Variants in PRELID2 observed in about 807,000 individuals in gnomAD.
PRELID2 encodes PRELI domain-containing protein 2.
A neutral mutation model predicts 28.4 loss-of-function variants in PRELID2; 25 were observed. The observed-to-expected ratio is 0.88, with a 90% CI of 0.64 to 1.23. The LOEUF (loss-of-function observed/expected upper bound fraction) is 1.23, where lower values mean the gene tolerates loss of function less well. Ranked by LOEUF, PRELID2 falls within the 50% of genes most tolerant of loss-of-function variation. PRELID2 has a pLI of 0.00. For missense variants in PRELID2, 201 were observed against 214.4 expected (o/e 0.94, Z 0.39); for synonymous variants, 76 against 71.6 (o/e 1.06, Z -0.31).
intron 1 of PRELID2, among the ~76,000 whole-genome samples, chr5:145,582,194 C>T (rs188172888): frequency 1.9e-4 from 29 of 152,028 alleles, no homozygotes; most frequent in Non-Finnish European, 2.9e-4. Flanking sequence ...TGTATTAGTC[C>T]GTTTTCACAC....
intron 1 of PRELID2, among the ~76,000 whole-genome samples, chr5:145,743,473 A>T (rs982325809): frequency 9.9e-5 from 15 of 151,748 alleles, no homozygotes; most frequent in Non-Finnish European, 1.6e-4. Context: ...AGGCATGTGA[A>T]TCCTTCACTG....
At chr5:145,573,076 T>C (rs556889420) in intron 1 of PRELID2, among the ~76,000 whole-genome samples, 1 of 152,178 alleles carries the variant, frequency 6.6e-6, no homozygotes, top group African/African-American at 2.4e-5. Flanking sequence ...CCTTCTGAGG[T>C]CTCTACTTAA....
intron 1 of PRELID2, among the ~76,000 whole-genome samples, chr5:145,640,764 C>T (rs1031477573): frequency 6.6e-6 from 1 of 151,930 alleles, no homozygotes; most frequent in Non-Finnish European, 1.5e-5. Flanking sequence ...CCCCCAATAA[C>T]AAAACATATT....
At chr5:145,634,532 A>G (rs1753974782) in intron 1 of PRELID2, among the ~76,000 whole-genome samples, 1 of 152,028 alleles carries the variant, frequency 6.6e-6, no homozygotes, top group Non-Finnish European at 1.5e-5. Flanking sequence ...TATTCTTTTC[A>G]CCTGATTAAC....
the PRELID2 span, among the ~76,000 whole-genome samples, chr5:145,306,989 A>G: frequency 2.0e-5 from 3 of 152,216 alleles, no homozygotes; most frequent in African/African-American, 4.8e-5. Flanking sequence ...TTAATTTGGC[A>G]TAACTTTTTA....
the PRELID2 span, among the ~76,000 whole-genome samples, chr5:145,411,582 CAT>C: frequency 1.3e-5 from 2 of 152,222 alleles, no homozygotes; most frequent in Admixed American, 1.3e-4. Flanking sequence ...CATGGGCTGA[CAT>C]TGAGTGTCTG....
At chr5:145,532,706 T>C (rs1227189562) in intron 1 of PRELID2, among the ~76,000 whole-genome samples, 1 of 152,106 alleles carries the variant, frequency 6.6e-6, no homozygotes, top group African/African-American at 2.4e-5. Flanking sequence ...ACAAGTGAGA[T>C]CGTGTAGTAT....
the PRELID2 span, among the ~76,000 whole-genome samples, chr5:145,230,433 G>T: frequency 2.0e-5 from 3 of 152,048 alleles, no homozygotes; most frequent in Admixed American, 1.3e-4. Flanking sequence ...ACAAAAATTA[G>T]CTGGGTATGG....
the PRELID2 span, among the ~76,000 whole-genome samples, chr5:145,338,637 C>CTA: frequency 6.6e-6 from 1 of 152,120 alleles, no homozygotes; most frequent in African/African-American, 2.4e-5. Flanking sequence ...AGATCTTGCC[C>CTA]TATATATATT....
chr5:145,620,034 T>C (rs1313125966), intron 1 of PRELID2, among the ~76,000 whole-genome samples: 2 of 152,140 alleles, frequency 1.3e-5, no homozygotes, highest in Non-Finnish European at 2.9e-5. Context: ...CTTCAGAAAA[T>C]AGTTTATCAT....
chr5:145,273,527 C>T, the PRELID2 span, among the ~76,000 whole-genome samples: 2 of 151,992 alleles, frequency 1.3e-5, no homozygotes, highest in East Asian at 1.9e-4. Flanking sequence ...AATGAAGGAC[C>T]CAGAAAGGAG....
the PRELID2 span, among the ~76,000 whole-genome samples, chr5:145,383,379 C>T: frequency 2.0e-5 from 3 of 150,484 alleles, no homozygotes; most frequent in African/African-American, 7.3e-5. Flanking sequence ...TATACACACA[C>T]ACATATGTGG....
intron 4 of PRELID2, among the ~76,000 whole-genome samples, chr5:145,811,211 G>A (rs771966059): frequency 3.4e-5 from 5 of 148,248 alleles, no homozygotes; most frequent in African/African-American, 9.9e-5. Flanking sequence ...CTGCCCCCAC[G>A]ATTTAATTGC....
chr5:145,587,471 G>A (rs1320171876), intron 1 of PRELID2, among the ~76,000 whole-genome samples: 4 of 152,082 alleles, frequency 2.6e-5, no homozygotes, highest in African/African-American at 9.7e-5. Context: ...TGCTGACAGG[G>A]CATATACCCA....
chr5:145,679,291 G>T (rs1335180190), intron 1 of PRELID2, among the ~76,000 whole-genome samples: 1 of 152,142 alleles, frequency 6.6e-6, no homozygotes, highest in Admixed American at 6.5e-5. Flanking sequence ...GAAGCCTGAG[G>T]CCAGGTGGGA....
At chr5:145,337,166 G>C in the PRELID2 span, among the ~76,000 whole-genome samples, 34,476 of 151,226 alleles carry the variant, frequency 0.23, 4,041 homozygotes, top group Middle Eastern at 0.3. Context: ...AACTAAAAAA[G>C]AATAAAAACT....
At chr5:145,423,436 T>C in the PRELID2 span, among the ~76,000 whole-genome samples, 1 of 152,168 alleles carries the variant, frequency 6.6e-6, no homozygotes, top group Non-Finnish European at 1.5e-5. Context: ...TGCTCATTTC[T>C]TTTTATTCTT....
chr5:145,635,771 C>T (rs1295676342), intron 1 of PRELID2, among the ~76,000 whole-genome samples: 3 of 152,164 alleles, frequency 2.0e-5, no homozygotes, highest in South Asian at 2.1e-4. Context: ...TTTCACAAAC[C>T]TTTCGCCTAC....
chr5:145,596,520 G>A (rs576698355), intron 1 of PRELID2, among the ~76,000 whole-genome samples: 1 of 152,052 alleles, frequency 6.6e-6, no homozygotes, highest in Admixed American at 6.5e-5. Context: ...TTGAAAACCA[G>A]GTTCTTGTTG....
Sources: allele counts gnomAD v4.1 joint callset (sites outside exome capture counted in the v4.1 genomes callset), GRCh38; gene constraint gnomAD v4.1.1; transcripts MANE v1.5; gene names NCBI Gene and HGNC (gene_info 2026-07-23, HGNC 2026-07-21).